SPEF2: variants seen among roughly 807,000 people sequenced by gnomAD.
SPEF2 encodes the protein sperm flagella and cilia-associated protein 2.
A neutral mutation model predicts 224.6 loss-of-function variants in SPEF2; 187 were observed. That is an observed-to-expected ratio of 0.83 (90% CI 0.74 to 0.94). SPEF2 has a LOEUF of 0.94. Among genes scored for constraint, SPEF2 ranks in the 40% least tolerant of loss-of-function variants. SPEF2 has a pLI of 0.00. For missense variants in SPEF2, 2,170 were observed against 2,135.6 expected (o/e 1.02, Z -0.32); for synonymous variants, 715 against 707.3 (o/e 1.01, Z -0.17).
chr5:35,701,540 A>G (rs1452561016), intron 16 of SPEF2, among the ~76,000 whole-genome samples: 2 of 152,202 alleles, frequency 1.3e-5, no homozygotes, highest in Non-Finnish European at 2.9e-5. Flanking sequence ...GATTGCCTTC[A>G]CATCATTTTA....
intron 1 of SPEF2, among the ~76,000 whole-genome samples, chr5:35,619,859 G>C (rs943433678): frequency 8.2e-6 from 1 of 122,262 alleles, no homozygotes; most frequent in African/African-American, 4.2e-5. Context: ...TTTAGGTTTT[G>C]AGAGGTGGAG....
rs371431624 is a variant in SPEF2 at position 35,659,170 on chromosome 5, G to T, written c.1130G>T (p.Arg377Leu). ...IFREKQHEER[R>L]LKDFQDALDR... Reference sequence around the variant, plus strand: ...AGAGAAAAACAACATGAGGAAAGACGACTTAAAGATTTCCAGGATGCTCTT... The same window carrying T: ...AGAGAAAAACAACATGAGGAAAGACTACTTAAAGATTTCCAGGATGCTCTT... The change falls in exon 8 of 37, where the codon CGA becomes CTA. Residue 377 changes from arginine (R) to leucine (L), a missense_variant. Arg to Leu is a moderately radical substitution (Grantham distance 102). Transcript: ENST00000356031. The T allele has an allele frequency of 4.9e-5, 79 of 1,611,596 alleles. No individual in the cohort carries two copies. The African/African-American group carries it at 9.0e-4, about 18-fold the overall frequency.
chr5:35,714,282 T>A (rs1244713875), intron 20 of SPEF2, among the ~76,000 whole-genome samples: 1 of 151,446 alleles, frequency 6.6e-6, no homozygotes, highest in African/African-American at 2.4e-5. Context: ...CTTGCAAATA[T>A]TTTAGAGAAC....
chr5:35,769,080 C>T (rs1055389018), intron 26 of SPEF2, among the ~76,000 whole-genome samples: 2 of 152,080 alleles, frequency 1.3e-5, no homozygotes, highest in African/African-American at 4.8e-5. Context: ...TTGGGAATTA[C>T]ATTAATTTTT....
chr5:35,671,222 T>C, intron 10 of SPEF2: 1 of 984,468 alleles, frequency 1.0e-6, no homozygotes, highest in Non-Finnish European at 1.2e-6. Context: ...GTGAATAAAA[T>C]GAATGAATTA....
chr5:35,736,688 A>G (rs916098240), intron 21 of SPEF2, among the ~76,000 whole-genome samples: 2 of 152,204 alleles, frequency 1.3e-5, no homozygotes. Context: ...GAGCCAAACC[A>G]TATCATGGAT....
chr5:35,770,121 C>G lies in SPEF2; in HGVS notation c.3802-1488C>G, dbSNP rs186679711. On this transcript the variant is annotated intron_variant, in intron 26 of 36. Transcript: ENST00000356031. The stretch of plus-strand genomic sequence containing the variant: ...GGTGACACTCATAAACAACCTTCGC[C>G]TCCCCAGGGGCAGTTGAACTTATTG... 2.1e-3 allele frequency among the ~76,000 whole-genome samples: 314 copies of G among 151,830 alleles called. 1 individual carries two copies. The highest frequency in any genetic ancestry group is 7.4e-3 in the African/African-American group (306 of 41,366).
At chr5:35,741,823 T>A (rs1299734142) in intron 23 of SPEF2, among the ~76,000 whole-genome samples, 1 of 152,220 alleles carries the variant, frequency 6.6e-6, no homozygotes, top group Non-Finnish European at 1.5e-5. Flanking sequence ...ACAACTTTTT[T>A]TCTGTTTTCT....
chr5:35,782,981 A>G (rs1286026573), intron 30 of SPEF2, among the ~76,000 whole-genome samples: 5 of 152,230 alleles, frequency 3.3e-5, no homozygotes, highest in Non-Finnish European at 7.3e-5. Context: ...GCAAAATGCA[A>G]TGAAACAGTT....
chr5:35,717,023 C>T (rs1437523803), intron 20 of SPEF2, among the ~76,000 whole-genome samples: 1 of 152,134 alleles, frequency 6.6e-6, no homozygotes, highest in Non-Finnish European at 1.5e-5. Context: ...TCCTCTTGAA[C>T]CCATTTGCCA....
rs199553074 is a variant in SPEF2, at chr5:35,694,171, T to C, written c.1900-117T>C. The C allele has an allele frequency of 1.3e-5, 10 of 752,046 alleles. No individual in the cohort carries two copies. In the East Asian group the frequency reaches 2.7e-4, roughly 21 times the overall value. 46.6% of individuals were successfully genotyped at this position (752,046 alleles called of 1,614,324 possible). A position where few individuals can be genotyped will look rare whatever the true frequency, so the allele number is the denominator to read the frequency against. ...TAATCTCCTTTAAAATCATTAATGT[T>C]ATAGACAAAAAGTATTGTATTTGTT... is the stretch of plus-strand genomic sequence containing the variant. On this transcript the variant is annotated intron_variant, in intron 12 of 36. Transcript: ENST00000356031.
chr5:35,696,521 T>A (rs1347158322), intron 14 of SPEF2, among the ~76,000 whole-genome samples: 1 of 152,192 alleles, frequency 6.6e-6, no homozygotes, highest in African/African-American at 2.4e-5. Flanking sequence ...GTTTTATATT[T>A]ACATCTATTG....
At chr5:35,710,299 TG>T in intron 19 of SPEF2, 7 of 964,202 alleles carry the variant, frequency 7.3e-6, no homozygotes, top group Non-Finnish European at 8.6e-6. Flanking sequence ...GGCTCATCCC[TG>T]TAATCCCAGC....
At chr5:35,714,896 A>T (rs1362246595) in intron 20 of SPEF2, among the ~76,000 whole-genome samples, 1 of 151,846 alleles carries the variant, frequency 6.6e-6, no homozygotes, top group Non-Finnish European at 1.5e-5. Flanking sequence ...TGATTATGAA[A>T]CAATAATGTT....
intron 25 of SPEF2, among the ~76,000 whole-genome samples, chr5:35,760,849 A>T (rs567351924): frequency 7.2e-5 from 11 of 152,316 alleles, no homozygotes; most frequent in Admixed American, 1.3e-4. Flanking sequence ...GAATTAAAAT[A>T]AAGCAATTAA....
rs188131222 is a variant in SPEF2, at chr5:35,767,133, T to A, written c.3801+3431T>A. Among the ~76,000 whole-genome samples, 6 of 152,014 alleles carry A rather than the reference T, an allele frequency of 3.9e-5. No individual in the cohort carries two copies. The East Asian group carries it at 1.2e-3, about 29-fold the overall frequency. ...CTTATGTTTCTCATTTGTTTTCTCCTTTGAATTATGAAGAGAGTTATAATA... is the reference window on the plus strand; with the variant it reads ...CTTATGTTTCTCATTTGTTTTCTCCATTGAATTATGAAGAGAGTTATAATA... On this transcript the variant is annotated intron_variant, in intron 26 of 36. Transcript: ENST00000356031.
rs1738327188 is a variant in SPEF2, at chr5:35,700,261, A to G, written c.2142-235A>G. ...ATACAGGTGTGGCCAGTTAATTTTA[A>G]TGTGTTAAAGCCTCTGGAATAGATT... On this transcript the variant is annotated intron_variant, in intron 15 of 36. Transcript: ENST00000356031. 9.3e-6 allele frequency: 5 copies of G among 534,962 alleles called. No individual in the cohort carries two copies. The East Asian group carries it at 1.6e-4, about 17-fold the overall frequency. 33.1% of individuals were successfully genotyped at this position (534,962 alleles called of 1,614,324 possible).
At chr5:35,803,651 A>G (rs1757727837) in intron 34 of SPEF2, among the ~76,000 whole-genome samples, 1 of 151,858 alleles carries the variant, frequency 6.6e-6, no homozygotes, top group South Asian at 2.1e-4. Context: ...CAACTGTGGC[A>G]CTCCATTTCT....
At chr5:35,664,482 A>T (rs1750170914) in intron 8 of SPEF2, among the ~76,000 whole-genome samples, 1 of 152,064 alleles carries the variant, frequency 6.6e-6, no homozygotes, top group South Asian at 2.1e-4. Context: ...CGAGGACAAG[A>T]GTTCAAGGCC....
Sources: allele counts gnomAD v4.1 joint callset (sites outside exome capture counted in the v4.1 genomes callset), GRCh38; gene constraint gnomAD v4.1.1; transcripts MANE v1.5; gene names NCBI Gene and HGNC (gene_info 2026-07-23, HGNC 2026-07-21).